The following EPB41L1 variants were observed in gnomAD, a reference collection of about 807,000 sequenced individuals.
EPB41L1 encodes band 4.1-like protein 1.
In EPB41L1, 29 loss-of-function variants were observed where a neutral mutation model predicts 97.8. The ratio of observed to expected loss-of-function variants is 0.30; its 90% CI spans 0.22 to 0.40. The LOEUF is 0.40. Among genes scored for constraint, EPB41L1 ranks in the 10% least tolerant of loss-of-function variants. The pLI is 1.00. For missense variants in EPB41L1, 812 were observed against 1,162.3 expected (o/e 0.70, Z 4.38); for synonymous variants, 383 against 459.2 (o/e 0.83, Z 2.12).
rs765673962 is a variant in EPB41L1 at position 36,204,471 on chromosome 20, C to CTTTTTTTTTTT, written c.1669-5001_1669-4991dup. On this transcript the variant is annotated intron_variant, in intron 14 of 21. Transcript: ENST00000338074. Reference sequence around the variant, plus strand: ...GGCCTAACAGTGCTGCGATCTGGTGCTTTTTTTTTTTTTTTTTTTTTTTTT... The same window carrying CTTTTTTTTTTT: ...GGCCTAACAGTGCTGCGATCTGGTGCTTTTTTTTTTTTTTTTTTTTTTTTTTTTTTTTTTTT... Among the ~76,000 whole-genome samples the CTTTTTTTTTTT allele has an allele frequency of 2.5e-4, 23 of 90,602 alleles. 2 individuals carry two copies. The highest frequency in any genetic ancestry group is 1.3e-3 in the African/African-American group (23 of 17,388). The allele number at this position is 90,602 out of a possible 152,430, so 59.4% of individuals were successfully genotyped here. A position where few individuals can be genotyped will look rare whatever the true frequency, so the allele number is the denominator to read the frequency against.
In EPB41L1 at chr20:36,229,422, G is replaced by A. The variant is rs369058872; in HGVS notation, c.*82G>A. The A allele has an allele frequency of 3.5e-6, 5 of 1,417,528 alleles. No individual in the cohort carries two copies. The African/African-American group carries it at 4.2e-5, about 12-fold the overall frequency. 87.8% of individuals were successfully genotyped at this position (1,417,528 alleles called of 1,614,324 possible). A position where few individuals can be genotyped will look rare whatever the true frequency, so the allele number is the denominator to read the frequency against. On this transcript the variant is annotated 3_prime_UTR_variant, in exon 22 of 22. Transcript: ENST00000338074. ...AAGGGGCCTTCATTCTGGATTCTCCGACGCAACACTGACGTCCCAGCTGCG... is the reference window on the plus strand; with the variant it reads ...AAGGGGCCTTCATTCTGGATTCTCCAACGCAACACTGACGTCCCAGCTGCG...
chr20:36,186,824 C>A (rs1454908844), intron 7 of EPB41L1, among the ~76,000 whole-genome samples: 1 of 152,156 alleles, frequency 6.6e-6, no homozygotes, highest in South Asian at 2.1e-4. Context: ...GTCCAAGTAT[C>A]CCACACAGCA....
chr20:36,181,155 C>T (rs1204948230), intron 5 of EPB41L1, among the ~76,000 whole-genome samples: 3 of 152,176 alleles, frequency 2.0e-5, no homozygotes, highest in Non-Finnish European at 4.4e-5. Context: ...GATGTGGCCT[C>T]CAGTGGTCCA....
chr20:36,097,857 A>C (rs565433806), intron 1 of EPB41L1, among the ~76,000 whole-genome samples: 1 of 152,334 alleles, frequency 6.6e-6, no homozygotes, highest in East Asian at 1.9e-4. Context: ...GCTGAGAGGA[A>C]GATTAGGGAC....
rs79316130 is a variant in EPB41L1 at position 36,159,131 on chromosome 20, A to G, written c.-15+4235A>G. Among the ~76,000 whole-genome samples, 1,251 of 152,286 alleles carry G rather than the reference A, an allele frequency of 8.2e-3. 21 individuals carry two copies. The highest frequency in any genetic ancestry group is 0.029 in the African/African-American group (1,193 of 41,546). ...GAGAAGGAGGAGCTTGGAGTGGGTA[A>G]GGCCACAGGGTCAGGAATTCTGTTT... On this transcript the variant is annotated intron_variant, in intron 1 of 21. Transcript: ENST00000338074.
chr20:36,190,533 T>C lies in EPB41L1; in HGVS notation c.1125-89T>C, dbSNP rs184785257. 1.4e-3 allele frequency: 2,272 copies of C among 1,570,430 alleles called. 2 individuals carry two copies. The highest frequency in any genetic ancestry group is 1.7e-3 in the Non-Finnish European group (1,892 of 1,146,044). On this transcript the variant is annotated intron_variant, in intron 10 of 21. Transcript: ENST00000338074. This position sits in a 1 kb window ranked among gnomAD's most constrained non-coding sequence, Gnocchi z 5.8. The stretch of plus-strand genomic sequence containing the variant: ...CTTTGAATTGTTGTAGTTGGTGGAG[T>C]AGTGGGATGAAAGGCCAGCTGTGGT...
chr20:36,178,609 G>T (rs2061348005), intron 4 of EPB41L1, 21 bp from the exon 5 acceptor site: 4 of 1,613,602 alleles, frequency 2.5e-6, no homozygotes, highest in Non-Finnish European at 3.4e-6. Flanking sequence ...TCCCTCTGAA[G>T]ATCTCTATCT....
intron 2 of EPB41L1, among the ~76,000 whole-genome samples, chr20:36,132,522 A>G (rs886450229): frequency 3.2e-5 from 4 of 124,956 alleles, no homozygotes; most frequent in Admixed American, 1.1e-4. Flanking sequence ...GTGAGGTAAC[A>G]TATTCACCTG....
At position 36,093,631 on chromosome 20, in the gene EPB41L1, G is replaced by C. The variant is rs2057732962; in HGVS notation, c.-65+2019G>C. ...GGGCTGACAGCAGAGCCCGCGTTCTGACCTGAGCTGGAGAGGAGGGCGTGT... is the reference window on the plus strand; with the variant it reads ...GGGCTGACAGCAGAGCCCGCGTTCTCACCTGAGCTGGAGAGGAGGGCGTGT... On this transcript the variant is annotated intron_variant, in intron 1 of 19. Transcript: ENST00000202028. The surrounding 1 kb of genome is among the most constrained non-coding windows in gnomAD (Gnocchi z 5.4). 6.6e-6 allele frequency among the ~76,000 whole-genome samples: 1 copy of C among 150,886 alleles called. No individual in the cohort carries two copies. Among genetic ancestry groups the C allele is most frequent in the Non-Finnish European group, 1.5e-5 (1 of 67,768 alleles).
At chr20:36,099,573 C>A (rs1459882925) in intron 1 of EPB41L1, among the ~76,000 whole-genome samples, 15 of 152,180 alleles carry the variant, frequency 9.9e-5, no homozygotes, top group Admixed American at 7.2e-4. Flanking sequence ...CAGCCCAGCC[C>A]GCTCCTCTCC....
chr20:36,154,780 C>T lies in EPB41L1; in HGVS notation c.-131C>T. On this transcript the variant is annotated 5_prime_UTR_variant, in exon 1 of 22. Transcript: ENST00000338074. This position sits in a 1 kb window ranked among gnomAD's most constrained non-coding sequence, Gnocchi z 5.5. Reference sequence around the variant, plus strand: ...GCGGGCGGGGGTGTCGCCGAACAGGCTGCTCCGCAGAGCCCGCCGCGACCC... The same window carrying T: ...GCGGGCGGGGGTGTCGCCGAACAGGTTGCTCCGCAGAGCCCGCCGCGACCC... 1 of 987,110 alleles carries T rather than the reference C, an allele frequency of 1.0e-6. No homozygotes were observed. Among genetic ancestry groups the T allele is most frequent in the Non-Finnish European group, 1.2e-6 (1 of 830,922 alleles). 61.1% of individuals were successfully genotyped at this position (987,110 alleles called of 1,614,324 possible). A position where few individuals can be genotyped will look rare whatever the true frequency, so the allele number is the denominator to read the frequency against.
Position 36,209,614 on chromosome 20 carries a change from C to G in EPB41L1, c.1795C>G (p.Leu599Val). The change falls in exon 15 of 22, where the codon CTG becomes GTG. Residue 599 changes from leucine to valine, a missense_variant. By Grantham distance (32) the Leu-to-Val change is conservative. This residue lies in a region of EPB41L1 where 498 missense variants were observed against 622.7 expected (regional missense o/e 0.80). Transcript: ENST00000338074. The surrounding 1 kb of genome is among the most constrained non-coding windows in gnomAD (Gnocchi z 4.2). ...RDTVFLKDNH[L>V]AIERKCSSIT... Reference sequence around the variant, plus strand: ...CACGGTGTTCCTGAAGGACAACCACCTGGCCATTGAGCGCAAGTGCTCCAG... The same window carrying G: ...CACGGTGTTCCTGAAGGACAACCACGTGGCCATTGAGCGCAAGTGCTCCAG... The G allele has an allele frequency of 6.2e-7, 1 of 1,614,208 alleles. No individual in the cohort carries two copies. Among genetic ancestry groups the G allele is most frequent in the Non-Finnish European group, 8.5e-7 (1 of 1,180,044 alleles).
intron 11 of EPB41L1, among the ~76,000 whole-genome samples, chr20:36,191,750 A>G (rs2061961518): frequency 1.3e-5 from 2 of 152,218 alleles, no homozygotes; most frequent in African/African-American, 4.8e-5. Flanking sequence ...GGTGACCTTA[A>G]GCAACTTATT....
In EPB41L1 at chr20:36,093,724, CGT is replaced by C. The variant is rs1481410427; in HGVS notation, c.-65+2118_-65+2119del. The stretch of plus-strand genomic sequence containing the variant: ...GTGTGTATGTGTATGCGTGCGCGCG[CGT>C]GTGTGGATGTGGGTGTGGGTGCGGG... On this transcript the variant is annotated intron_variant, in intron 1 of 19. Coordinates refer to the EPB41L1 transcript ENST00000202028. This position sits in a 1 kb window ranked among gnomAD's most constrained non-coding sequence, Gnocchi z 5.4. 6.6e-6 allele frequency among the ~76,000 whole-genome samples: 1 copy of C among 151,804 alleles called. No homozygotes were observed. Among genetic ancestry groups the C allele is most frequent in the East Asian group, 1.9e-4 (1 of 5,164 alleles).
chr20:36,205,697 C>G (rs1286236794), intron 14 of EPB41L1, among the ~76,000 whole-genome samples: 1 of 152,178 alleles, frequency 6.6e-6, no homozygotes, highest in Non-Finnish European at 1.5e-5. Flanking sequence ...GCACGTCATG[C>G]CTTCCTCTCC....
At position 36,093,618 on chromosome 20, in the gene EPB41L1, G is replaced by C. The variant is rs2057732319; in HGVS notation, c.-65+2006G>C. 6.6e-6 allele frequency among the ~76,000 whole-genome samples: 1 copy of C among 151,064 alleles called. No homozygotes were observed. Among genetic ancestry groups the C allele is most frequent in the African/African-American group, 2.4e-5 (1 of 41,022 alleles). ...GGTCGGGGGAACTGGGCTGACAGCA[G>C]AGCCCGCGTTCTGACCTGAGCTGGA... On this transcript the variant is annotated intron_variant, in intron 1 of 19. Transcript: ENST00000202028. This position sits in a 1 kb window ranked among gnomAD's most constrained non-coding sequence, Gnocchi z 5.4.
intron 1 of EPB41L1, among the ~76,000 whole-genome samples, chr20:36,105,154 A>G (rs2058149007): frequency 6.6e-6 from 1 of 152,200 alleles, no homozygotes; most frequent in Non-Finnish European, 1.5e-5. Context: ...GTTGCCAAGC[A>G]GCAAGAGACA....
intron 2 of EPB41L1, among the ~76,000 whole-genome samples, chr20:36,133,316 G>A (rs947719166): frequency 2.6e-5 from 4 of 152,262 alleles, no homozygotes; most frequent in African/African-American, 9.6e-5. Context: ...GTAAGAGCTT[G>A]TGTTTAGGGA....
intron 3 of EPB41L1, among the ~76,000 whole-genome samples, chr20:36,176,611 T>C (rs375604190): frequency 1.9e-4 from 29 of 151,964 alleles, no homozygotes; most frequent in African/African-American, 6.0e-4. Context: ...TTTATGTACA[T>C]GTATTTTTTC....
Sources: allele counts gnomAD v4.1 joint callset (sites outside exome capture counted in the v4.1 genomes callset), GRCh38; gene constraint gnomAD v4.1.1; regional missense constraint gnomAD v4.1.1; non-coding constraint Gnocchi (gnomAD v3.1); transcripts MANE v1.5; gene names NCBI Gene and HGNC (gene_info 2026-07-23, HGNC 2026-07-21).